Variants in SND1 observed in about 807,000 individuals in gnomAD.
The protein encoded by SND1 is staphylococcal nuclease and tudor domain containing 1, also known as staphylococcal nuclease domain-containing protein 1.
A neutral mutation model predicts 121.7 loss-of-function variants in SND1; 38 were observed. The ratio of observed to expected loss-of-function variants is 0.31; its 90% CI spans 0.24 to 0.41. The LOEUF is 0.41. SND1 is among the 10% of genes least tolerant of loss of function. The probability of loss-of-function intolerance (pLI) is 1.00; values close to 1 mark genes in which losing one functional copy is unlikely to be tolerated. For synonymous variants in SND1, 401 were observed against 447.4 expected, an observed-to-expected ratio of 0.90 and a Z score of 1.31; for missense variants, 868 against 1,184.6, an observed-to-expected ratio of 0.73 and a Z score of 3.92.
At chr7:127,754,862 G>A (rs941745125) in intron 10 of SND1, among the ~76,000 whole-genome samples, 2 of 152,292 alleles carry the variant, frequency 1.3e-5, no homozygotes, top group African/African-American at 4.8e-5. Flanking sequence ...TATTTCAGTG[G>A]TCTGATTTTC....
chr7:127,935,654 A>G (rs1801045653), intron 15 of SND1, among the ~76,000 whole-genome samples: 1 of 152,236 alleles, frequency 6.6e-6, no homozygotes, highest in South Asian at 2.1e-4. Context: ...AAAACTACCT[A>G]CAAAGCTGAA....
intron 16 of SND1, among the ~76,000 whole-genome samples, chr7:128,057,227 T>A (rs1276517089): frequency 6.6e-6 from 1 of 152,134 alleles, no homozygotes; most frequent in Non-Finnish European, 1.5e-5. Context: ...GGTGCACAAC[T>A]GGGGCTTCAG....
intron 15 of SND1, among the ~76,000 whole-genome samples, chr7:127,975,886 G>A (rs773519909): frequency 2.6e-5 from 4 of 152,174 alleles, no homozygotes. Flanking sequence ...GGCAGGTCCG[G>A]CTCCATTCAG....
chr7:127,957,322 C>A lies in SND1; in HGVS notation c.1669+27993C>A, dbSNP rs570763851. Among the ~76,000 whole-genome samples, 114 of 152,330 alleles carry A rather than the reference C, an allele frequency of 7.5e-4. 1 individual carries two copies. The highest frequency in any genetic ancestry group is 6.8e-3 in the Middle Eastern group (2 of 294). ...TGTCCTCTCCTGTAGAAGTTCTCAG[C>A]ATGCTGATGAGAACCTGGCCCTGTG... On this transcript the variant is annotated intron_variant, in intron 15 of 23. Coordinates refer to ENST00000354725, the MANE Select transcript of SND1 (RefSeq NM_014390.4).
At chr7:127,990,821 C>G in intron 15 of SND1, 126 bp from the exon 16 acceptor site, 1 of 649,306 alleles carries the variant, frequency 1.5e-6, no homozygotes, top group Non-Finnish European at 2.7e-6. Context: ...GTCTTCGTCT[C>G]AGATAGAATG....
intron 16 of SND1, among the ~76,000 whole-genome samples, chr7:128,055,756 C>T (rs1399620144): frequency 6.6e-6 from 1 of 152,176 alleles, no homozygotes; most frequent in Non-Finnish European, 1.5e-5. Flanking sequence ...AAGAGCAGAG[C>T]AACCAGGGCT....
intron 9 of SND1, among the ~76,000 whole-genome samples, chr7:127,720,537 C>A (rs561252412): frequency 2.8e-4 from 42 of 152,198 alleles, no homozygotes; most frequent in Non-Finnish European, 4.9e-4. Context: ...GTAGAATGTT[C>A]TAATAACCTT....
chr7:127,937,430 C>A (rs1801084600), intron 15 of SND1, among the ~76,000 whole-genome samples: 1 of 151,998 alleles, frequency 6.6e-6, no homozygotes, highest in African/African-American at 2.4e-5. Flanking sequence ...CCCTTCCTCT[C>A]TTTCCGTCTC....
rs530602569 is a variant in SND1, at chr7:127,888,631, G to A, written c.1454+619G>A. Among the ~76,000 whole-genome samples, 6 of 152,176 alleles carry A rather than the reference G, an allele frequency of 3.9e-5. No homozygotes were observed. In the South Asian group the frequency reaches 6.2e-4, roughly 16 times the overall value. On this transcript the variant is annotated intron_variant, in intron 13 of 23. Coordinates refer to ENST00000354725, the MANE Select transcript of SND1 (RefSeq NM_014390.4). Reference sequence around the variant, plus strand: ...GTCATCCCTCAAGGCTCTTACTCAGGGAGTCTTTTGTCACTGGGTAGTGTG... The same window carrying A: ...GTCATCCCTCAAGGCTCTTACTCAGAGAGTCTTTTGTCACTGGGTAGTGTG...
chr7:128,010,212 T>C (rs1287802629), intron 16 of SND1, among the ~76,000 whole-genome samples: 1 of 152,260 alleles, frequency 6.6e-6, no homozygotes, highest in African/African-American at 2.4e-5. Flanking sequence ...TGAATGCTTA[T>C]AATGAATCCA....
chr7:128,085,625 G>A lies in SND1; in HGVS notation c.2235-86G>A. 1.7e-6 allele frequency: 2 copies of A among 1,178,834 alleles called. No homozygotes were observed. The highest frequency in any genetic ancestry group is 2.5e-6 in the Non-Finnish European group (2 of 792,068). 73.0% of individuals were successfully genotyped at this position (1,178,834 alleles called of 1,614,324 possible). The stretch of plus-strand genomic sequence containing the variant: ...CGTTGAACCCAGGCAGGGAAATGCT[G>A]TGCCCCTGCCCCGCCATTGCTGAGG... On this transcript the variant is annotated intron_variant, in intron 19 of 23. Coordinates refer to ENST00000354725, the MANE Select transcript of SND1 (RefSeq NM_014390.4). This position sits in a 1 kb window ranked among gnomAD's most constrained non-coding sequence, Gnocchi z 4.4.
chr7:128,032,257 C>G (rs1792643712), intron 16 of SND1: 1 of 151,376 alleles, frequency 6.6e-6, no homozygotes, highest in Non-Finnish European at 1.5e-5. Context: ...CCCGCGCCTC[C>G]GGCCGCCCGT....
intron 16 of SND1, among the ~76,000 whole-genome samples, chr7:128,067,683 G>A (rs1793339024): frequency 6.6e-6 from 1 of 152,132 alleles, no homozygotes; most frequent in Admixed American, 6.5e-5. Flanking sequence ...GGTTGGCTGA[G>A]GCTCAGTAAT....
At chr7:128,075,399 A>G (rs1584775263) in intron 17 of SND1, among the ~76,000 whole-genome samples, 2 of 152,318 alleles carry the variant, frequency 1.3e-5, no homozygotes, top group South Asian at 4.1e-4. Context: ...GTGCTGAGCT[A>G]TAAATTTGTT....
chr7:127,799,557 AG>A (rs1451617224), intron 10 of SND1, among the ~76,000 whole-genome samples: 3 of 152,232 alleles, frequency 2.0e-5, no homozygotes, highest in African/African-American at 7.2e-5. Context: ...GAAACACTTA[AG>A]GGAGGTAGTT....
At chr7:127,846,870 C>A (rs1247836826) in intron 12 of SND1, among the ~76,000 whole-genome samples, 1 of 152,194 alleles carries the variant, frequency 6.6e-6, no homozygotes. Flanking sequence ...ATAGACCTAG[C>A]TGCACACTTT....
intron 16 of SND1, 122 bp from the exon 17 acceptor site, chr7:128,074,380 G>A: frequency 3.2e-6 from 3 of 946,360 alleles, no homozygotes; most frequent in Non-Finnish European, 4.7e-6. Context: ...GTTCCCAGAG[G>A]TTGGCAGCGG....
At chr7:127,784,387 C>G (rs938038131) in intron 10 of SND1, among the ~76,000 whole-genome samples, 2 of 152,216 alleles carry the variant, frequency 1.3e-5, no homozygotes, top group African/African-American at 4.8e-5. Context: ...TTTGAACTCT[C>G]CATTCTTTTC....
Position 127,702,555 on chromosome 7 carries a change from G to A in SND1, c.681+29G>A, listed in dbSNP as rs770641597. 5.1e-6 allele frequency: 8 copies of A among 1,574,818 alleles called. No homozygotes were observed. The South Asian group carries it at 8.9e-5, about 17-fold the overall frequency. On this transcript the variant is annotated intron_variant, in intron 6 of 23. Coordinates refer to ENST00000354725, the MANE Select transcript of SND1 (RefSeq NM_014390.4). ...AGACCATACTCTTGGCTACGTGGTG[G>A]GTTTAGAGTGTGTGGATGTTCAGTG... is the stretch of plus-strand genomic sequence containing the variant.
Sources: gnomAD v4.1 joint callset for allele counts (sites outside exome capture counted in the v4.1 genomes callset) on GRCh38, gnomAD v4.1.1 for gene constraint, Gnocchi (gnomAD v3.1) non-coding constraint, MANE v1.5 for transcripts, NCBI Gene and HGNC (gene_info 2026-07-23, HGNC 2026-07-21) for gene names.